The following PLEKHG4B variants were observed in gnomAD, a reference collection of about 807,000 sequenced individuals.
PLEKHG4B encodes the protein pleckstrin homology and RhoGEF domain containing G4B, also known as pleckstrin homology domain-containing family G member 4B.
Under a neutral mutation model 121.3 loss-of-function variants are expected in PLEKHG4B, and 111 were observed. That is an observed-to-expected ratio of 0.92 (90% confidence interval 0.78 to 1.07). PLEKHG4B has a LOEUF of 1.07. Ranked by LOEUF, PLEKHG4B falls within the 50% of genes least tolerant of loss-of-function variation. The probability of loss-of-function intolerance (pLI) is 0.00; values close to 1 mark genes in which losing one functional copy is unlikely to be tolerated. For missense variants in PLEKHG4B, 1,831 were observed against 1,757.8 expected, an observed-to-expected ratio of 1.04 and a Z score of -0.74; for synonymous variants, 738 against 725.0, an observed-to-expected ratio of 1.02 and a Z score of -0.29.
Position 162,892 on chromosome 5 carries a change from G to T in PLEKHG4B, c.2820G>T (p.Gln940His). The T allele has an allele frequency of 6.5e-7, 1 of 1,531,480 alleles. No homozygotes were observed. The highest frequency in any genetic ancestry group is 8.8e-7 in the Non-Finnish European group (1 of 1,138,574). 94.9% of individuals were successfully genotyped at this position (1,531,480 alleles called of 1,614,324 possible). The part of the protein sequence containing the change: ...PHALGKPWAS[Q>H]QDLWLQYPQT... ...CCCTGGGGAAACCGTGGGCATCACA[G>T]CAAGACCTGTGGCTGCAGTACCCCC... Residue 940 changes from glutamine (Q) to histidine (H), a missense_variant, in exon 13 of 20, where the codon CAG (glutamine) becomes CAT (histidine). Gln to His is a conservative substitution (Grantham distance 24). Transcript: ENST00000637938.
At chr5:133,941 C>CACACACACAT (rs34900477) in intron 2 of PLEKHG4B, among the ~76,000 whole-genome samples, 45 of 146,348 alleles carry the variant, frequency 3.1e-4, no homozygotes, top group African/African-American at 8.7e-4. Context: ...CACACACACA[C>CACACACACAT]ATATATATAT....
chr5:128,166 G>T (rs751633801), intron 2 of PLEKHG4B, among the ~76,000 whole-genome samples: 11 of 152,160 alleles, frequency 7.2e-5, no homozygotes, highest in Non-Finnish European at 1.5e-4. Context: ...GACTGGGAGG[G>T]CCCGGAAGAA....
intron 1 of PLEKHG4B, among the ~76,000 whole-genome samples, chr5:101,353 G>A (rs1210464151): frequency 7.5e-5 from 9 of 120,730 alleles, no homozygotes; most frequent in South Asian, 5.2e-4. Context: ...GAAAAAGCCT[G>A]TAGGGGAGAG....
chr5:181,874 G>C, intron 19 of PLEKHG4B, 130 bp from the exon 20 acceptor site: 1 of 1,299,532 alleles, frequency 7.7e-7, no homozygotes, highest in South Asian at 1.4e-5. Flanking sequence ...GGCCGACATG[G>C]TGGGTTGGAT....
At chr5:103,131 G>A (rs1375952791) in intron 1 of PLEKHG4B, among the ~76,000 whole-genome samples, 1 of 152,162 alleles carries the variant, frequency 6.6e-6, no homozygotes, top group East Asian at 1.9e-4. Context: ...TCAACCTTGT[G>A]AACTTGCAGC....
chr5:160,142 A>G (rs1735944366), intron 11 of PLEKHG4B, among the ~76,000 whole-genome samples: 1 of 152,250 alleles, frequency 6.6e-6, no homozygotes, highest in Non-Finnish European at 1.5e-5. Context: ...TTAGAAACAA[A>G]TAGATTTTTA....
Position 125,144 on chromosome 5 carries a change from G to T in PLEKHG4B, c.243+11696G>T, listed in dbSNP as rs186513914. On this transcript the variant is annotated intron_variant, in intron 2 of 19. Coordinates refer to ENST00000637938, the MANE Select transcript of PLEKHG4B (RefSeq NM_052909.5). ...TGAGACTTAAAAAAAAATCAATTTT[G>T]CCAGTTTCTGTCTCTTGATTGGGTA... Among the ~76,000 whole-genome samples, 70 of 152,178 alleles carry T rather than the reference G, an allele frequency of 4.6e-4. 2 individuals carry two copies. In the South Asian group the frequency reaches 0.011, roughly 24 times the overall value.
At chr5:107,258 T>G (rs1734003409) in intron 1 of PLEKHG4B, among the ~76,000 whole-genome samples, 7 of 152,166 alleles carry the variant, frequency 4.6e-5, no homozygotes. Context: ...AGGGCCTACT[T>G]GATGTTTGCT....
chr5:92,792 A>T (rs573267791), intron 1 of PLEKHG4B, among the ~76,000 whole-genome samples: 52 of 152,226 alleles, frequency 3.4e-4, no homozygotes, highest in African/African-American at 1.3e-3. Flanking sequence ...TCTTCAGCTC[A>T]AACCGGTGGG....
intron 13 of PLEKHG4B, among the ~76,000 whole-genome samples, chr5:166,650 C>T (rs1408374439): frequency 1.3e-5 from 2 of 151,882 alleles, no homozygotes; most frequent in South Asian, 2.1e-4. Flanking sequence ...TCCTGCTGGG[C>T]GGCCTGGTTC....
intron 2 of PLEKHG4B, among the ~76,000 whole-genome samples, chr5:131,336 C>T (rs997139116): frequency 1.3e-5 from 2 of 152,188 alleles, no homozygotes; most frequent in African/African-American, 4.8e-5. Flanking sequence ...GTTCAATTCC[C>T]ACCTATGACA....
chr5:136,729 C>T (rs1579273068), intron 2 of PLEKHG4B, among the ~76,000 whole-genome samples: 1 of 152,128 alleles, frequency 6.6e-6, no homozygotes, highest in Non-Finnish European at 1.5e-5. Context: ...GTGCTTGGAA[C>T]GATGTGGAGA....
At chr5:118,289 T>G (rs1224149701) in intron 2 of PLEKHG4B, among the ~76,000 whole-genome samples, 1 of 152,106 alleles carries the variant, frequency 6.6e-6, no homozygotes, top group Non-Finnish European at 1.5e-5. Flanking sequence ...CGTAGGAGAT[T>G]TCACCTCTCT....
intron 5 of PLEKHG4B, chr5:144,212 T>C (rs1341882617): frequency 6.6e-6 from 1 of 152,452 alleles, no homozygotes; most frequent in Non-Finnish European, 1.5e-5. Context: ...ACTAAAATTT[T>C]GTAAAATGAA....
At chr5:172,332 G>A (rs4956983) in intron 16 of PLEKHG4B, among the ~76,000 whole-genome samples, 79,068 of 152,058 alleles carry the variant, frequency 0.52, 20,965 homozygotes, top group Non-Finnish European at 0.58. Flanking sequence ...CACTAGGGGA[G>A]GGACAGCCTG....
In PLEKHG4B at chr5:154,901, C is replaced by T. The variant is rs114486034; in HGVS notation, c.2019C>T (p.Ala673=). Residue 673 remains alanine (A), a synonymous_variant, in exon 8 of 20, where the codon GCC becomes GCT. Coordinates refer to ENST00000637938, the MANE Select transcript of PLEKHG4B (RefSeq NM_052909.5). ...IQCEVVSSLK[A]VHKFVDSCQL... ...GTGAGGTCGTGAGCTCCCTGAAGGCCGTGCACAAATTTGTTGACAGCTGCC... is the reference window on the plus strand; with the variant it reads ...GTGAGGTCGTGAGCTCCCTGAAGGCTGTGCACAAATTTGTTGACAGCTGCC... The T allele has an allele frequency of 4.3e-4, 690 of 1,613,924 alleles. 1 individual carries two copies. Among genetic ancestry groups the T allele is most frequent in the Non-Finnish European group, 5.4e-4 (635 of 1,180,024 alleles).
chr5:101,831 T>C (rs1327295967), intron 1 of PLEKHG4B, among the ~76,000 whole-genome samples: 1 of 103,144 alleles, frequency 9.7e-6, no homozygotes, highest in Non-Finnish European at 1.8e-5. Flanking sequence ...AGAAAGTCTA[T>C]AGGGGAGAGA....
intron 2 of PLEKHG4B, among the ~76,000 whole-genome samples, chr5:123,174 A>G (rs1734520307): frequency 6.6e-6 from 1 of 152,204 alleles, no homozygotes; most frequent in African/African-American, 2.4e-5. Flanking sequence ...TTTTCAAAGT[A>G]TCAATAATTT....
intron 2 of PLEKHG4B, among the ~76,000 whole-genome samples, chr5:133,833 G>A (rs1418854161): frequency 3.3e-5 from 5 of 150,824 alleles, no homozygotes; most frequent in East Asian, 1.9e-4. Flanking sequence ...TTGCACACAC[G>A]TTTATAGCAG....
Sources: gnomAD v4.1 joint callset for allele counts (sites outside exome capture counted in the v4.1 genomes callset) on GRCh38, gnomAD v4.1.1 for gene constraint, MANE v1.5 for transcripts, NCBI Gene and HGNC (gene_info 2026-07-23, HGNC 2026-07-21) for gene names.